BRD4: variants seen among roughly 807,000 people sequenced by gnomAD.
BRD4 encodes bromodomain-containing protein 4.
BRD4 carries 16 observed loss-of-function variants against 142.1 expected under a neutral mutation model. The observed-to-expected ratio is 0.11, with a 90% CI of 0.08 to 0.17. The LOEUF (loss-of-function observed/expected upper bound fraction) is 0.17, where lower values mean the gene tolerates loss of function less well. Ranked by LOEUF, BRD4 falls within the 10% of genes least tolerant of loss-of-function variation. The pLI, the probability that BRD4 is intolerant of heterozygous loss-of-function variation, is 1.00. For synonymous variants in BRD4, 833 were observed against 707.5 expected (o/e 1.18, Z -2.82); for missense variants, 1,424 against 1,810.9 (o/e 0.79, Z 3.88).
At chr19:15,252,699 G>T (rs972918253) in intron 11 of BRD4, among the ~76,000 whole-genome samples, 2 of 152,206 alleles carry the variant, frequency 1.3e-5, no homozygotes. Context: ...CGACAGGGAA[G>T]GCCAGGAGGC....
At chr19:15,261,170 C>T (rs1457975339) in intron 7 of BRD4, among the ~76,000 whole-genome samples, 1 of 152,158 alleles carries the variant, frequency 6.6e-6, no homozygotes, top group African/African-American at 2.4e-5. Context: ...CACCGGGTGG[C>T]CCTGAACAAA....
rs1446327445 is a variant in BRD4 at position 15,297,296 on chromosome 19, A to AG, written c.-34-24164dup. 3.3e-5 allele frequency among the ~76,000 whole-genome samples: 5 copies of AG among 152,308 alleles called. No individual in the cohort carries two copies. The East Asian group carries it at 9.6e-4, about 29-fold the overall frequency. ...CCGTTGACCAGGCTGCACAGACTGC[A>AG]GAGCCTTCCAAGCTGCTCCTTCTGC... On this transcript the variant is annotated intron_variant, in intron 1 of 19. Coordinates refer to ENST00000679869, the MANE Select transcript of BRD4 (RefSeq NM_001379291.1).
intron 5 of BRD4, 126 bp downstream of exon 5, chr19:15,265,228 A>C: frequency 1.0e-6 from 1 of 990,370 alleles, no homozygotes; most frequent in Non-Finnish European, 1.4e-6. Context: ...ATTTCAACAC[A>C]GCAAGATCTC....
chr19:15,258,641 T>C (rs1363620276), intron 7 of BRD4, among the ~76,000 whole-genome samples: 1 of 152,132 alleles, frequency 6.6e-6, no homozygotes, highest in African/African-American at 2.4e-5. Context: ...GGCCTTGCTC[T>C]GTTGCCCAGG....
At chr19:15,326,704 A>G (rs1270882319) in intron 1 of BRD4, among the ~76,000 whole-genome samples, 8 of 152,206 alleles carry the variant, frequency 5.3e-5, no homozygotes, top group Admixed American at 5.2e-4. Flanking sequence ...ATGATGTGGA[A>G]CAACCAATGT....
At chr19:15,288,132 T>C (rs895311249) in intron 1 of BRD4, among the ~76,000 whole-genome samples, 1 of 152,202 alleles carries the variant, frequency 6.6e-6, no homozygotes, top group African/African-American at 2.4e-5. Flanking sequence ...CATCCATCAA[T>C]GGACACAGGT....
intron 1 of BRD4, among the ~76,000 whole-genome samples, chr19:15,288,080 C>T (rs1051456110): frequency 2.6e-5 from 4 of 152,088 alleles, no homozygotes; most frequent in Non-Finnish European, 5.9e-5. Flanking sequence ...AATTTCATTC[C>T]TTCTTAAGGC....
chr19:15,295,945 T>A (rs1182081123), intron 1 of BRD4, among the ~76,000 whole-genome samples: 1 of 148,890 alleles, frequency 6.7e-6, no homozygotes, highest in Non-Finnish European at 1.5e-5. Flanking sequence ...CACTCCAGCC[T>A]GGGCAACAAA....
intron 1 of BRD4, among the ~76,000 whole-genome samples, chr19:15,324,797 T>G (rs1435785994): frequency 6.6e-5 from 10 of 152,224 alleles, no homozygotes; most frequent in African/African-American, 2.4e-4. Flanking sequence ...CCCCAAACTC[T>G]GCAGCAAACA....
intron 1 of BRD4, among the ~76,000 whole-genome samples, chr19:15,322,880 A>AAAG (rs1555747946): frequency 5.4e-5 from 8 of 147,702 alleles, no homozygotes; most frequent in African/African-American, 2.0e-4. Context: ...AAAAAAAAAA[A>AAAG]AAAAGAAAAG....
chr19:15,248,450 G>A (rs2047311544), intron 11 of BRD4: 1 of 218,970 alleles, frequency 4.6e-6, no homozygotes, highest in South Asian at 1.8e-4. Context: ...TGGGGTTGGG[G>A]GGATGATAGG....
chr19:15,302,822 A>T (rs1282555741), intron 1 of BRD4, among the ~76,000 whole-genome samples: 1 of 151,648 alleles, frequency 6.6e-6, no homozygotes, highest in Non-Finnish European at 1.5e-5. Context: ...TGGCTAAAAC[A>T]GTGAAACCCC....
chr19:15,253,251 G>A (rs1181946767), intron 11 of BRD4: 8 of 458,304 alleles, frequency 1.7e-5, no homozygotes, highest in Admixed American at 8.0e-5. Flanking sequence ...GGGGCTGGTC[G>A]CCAGGCCTTC....
intron 1 of BRD4, among the ~76,000 whole-genome samples, chr19:15,323,423 T>G (rs1159590479): frequency 1.3e-5 from 2 of 152,258 alleles, no homozygotes; most frequent in East Asian, 3.9e-4. Flanking sequence ...GTAGTTTTTT[T>G]GTTTCAACTC....
chr19:15,278,543 C>CAAAAAA (rs1235423521), intron 1 of BRD4, among the ~76,000 whole-genome samples: 2 of 74,880 alleles, frequency 2.7e-5, no homozygotes, highest in Non-Finnish European at 4.8e-5. Context: ...CAACCCCCGC[C>CAAAAAA]AAAAAAAAAA....
At chr19:15,248,535 T>A (rs1167217804) in intron 11 of BRD4, 1 of 223,062 alleles carries the variant, frequency 4.5e-6, no homozygotes, top group South Asian at 1.8e-4. Flanking sequence ...ACTTTCCCTA[T>A]GTGACTTGAG....
chr19:15,249,246 G>GT, intron 11 of BRD4: 1 of 1,613,990 alleles, frequency 6.2e-7, no homozygotes. Context: ...ATCTGGAACT[G>GT]AAGACCGTTT....
chr19:15,262,661 T>A (rs2047485968), intron 7 of BRD4, among the ~76,000 whole-genome samples: 1 of 151,904 alleles, frequency 6.6e-6, no homozygotes, highest in South Asian at 2.1e-4. Context: ...AGGCAGAGGC[T>A]GCCGTGAGCT....
intron 1 of BRD4, among the ~76,000 whole-genome samples, chr19:15,291,576 A>G (rs552494416): frequency 5.2e-4 from 79 of 152,292 alleles, no homozygotes; most frequent in Middle Eastern, 6.8e-3. Flanking sequence ...ACTGAACAGG[A>G]TAACAGTCCA....
Sources: gnomAD v4.1 joint callset for allele counts (sites outside exome capture counted in the v4.1 genomes callset) on GRCh38, gnomAD v4.1.1 for gene constraint, MANE v1.5 for transcripts, NCBI Gene and HGNC (gene_info 2026-07-23, HGNC 2026-07-21) for gene names.